Variants in MTMR14 observed in about 807,000 individuals in gnomAD.
The protein encoded by MTMR14 is myotubularin related protein 14.
MTMR14 carries 48 observed loss-of-function variants against 86.3 expected under a neutral mutation model. That is an observed-to-expected ratio of 0.56 (90% CI 0.44 to 0.71). The LOEUF is 0.71. Among genes scored for constraint, MTMR14 ranks in the 30% least tolerant of loss-of-function variants. The pLI, the probability that MTMR14 is intolerant of heterozygous loss-of-function variation, is 0.00. For synonymous variants in MTMR14, 366 were observed against 326.1 expected (o/e 1.12, Z -1.32); for missense variants, 780 against 834.6 (o/e 0.93, Z 0.81).
intron 4 of MTMR14, 120 bp downstream of exon 4, chr3:9,668,914 C>A: frequency 9.8e-7 from 1 of 1,021,866 alleles, no homozygotes; most frequent in Non-Finnish European, 1.5e-6. Flanking sequence ...CCAAGGCGAG[C>A]GGATCCCGAG....
chr3:9,679,801 A>C (rs148951805), intron 9 of MTMR14, among the ~76,000 whole-genome samples: 366 of 152,312 alleles, frequency 2.4e-3, no homozygotes, highest in Non-Finnish European at 4.6e-3. Context: ...AGAGGCTGCT[A>C]GCTAGCTAAT....
chr3:9,687,909 C>T lies in MTMR14; in HGVS notation c.1235+18C>T, dbSNP rs577114360. 153 of 1,578,032 alleles carry T rather than the reference C, an allele frequency of 9.7e-5. No individual in the cohort carries two copies. In the South Asian group the frequency reaches 1.1e-3, roughly 12 times the overall value. ...ACCCAGAGGTAAGTGGAGGCCTGCA[C>T]GTGTCATGCTGGGCCAGGGCGCTCT... On this transcript the variant is annotated intron_variant, in intron 14 of 18. Coordinates refer to ENST00000296003, the MANE Select transcript of MTMR14 (RefSeq NM_001077525.3).
At position 9,683,242 on chromosome 3, in the gene MTMR14, A is replaced by T. The variant is rs200659107; in HGVS notation, c.962A>T (p.Asp321Val). The change falls in exon 10 of 19, where the codon GAT becomes GTT. Residue 321 changes from aspartate to valine, a missense_variant and splice_region_variant. Physicochemically the swap from Asp to Val is radical, Grantham distance 152. Coordinates refer to ENST00000296003, the MANE Select transcript of MTMR14 (RefSeq NM_001077525.3). ...LKLLLSLVNSDDDSGLLVHCI... is the reference protein window; with the variant it reads ...LKLLLSLVNSVDDSGLLVHCI... ...CTGCTGCTTTCCTTAGTTAACAGTG[A>T]TGGTGAGTCTGTCTCCTCCAGAGCC... The T allele has an allele frequency of 7.4e-5, 120 of 1,614,048 alleles. No homozygotes were observed. The highest frequency in any genetic ancestry group is 9.2e-5 in the Non-Finnish European group (108 of 1,180,000).
intron 17 of MTMR14, among the ~76,000 whole-genome samples, chr3:9,694,685 C>T (rs972197534): frequency 1.3e-5 from 2 of 152,192 alleles, no homozygotes; most frequent in East Asian, 3.8e-4. Context: ...TAGGCAGCTG[C>T]GTAAAAGGCC....
intron 2 of MTMR14, among the ~76,000 whole-genome samples, chr3:9,661,943 C>T (rs757101960): frequency 2.0e-5 from 3 of 151,870 alleles, no homozygotes; most frequent in Non-Finnish European, 4.4e-5. Context: ...AAAAATTACC[C>T]AGGTGTGGTG....
intron 17 of MTMR14, among the ~76,000 whole-genome samples, chr3:9,691,976 G>T (rs1273512296): frequency 1.3e-5 from 2 of 152,072 alleles, no homozygotes; most frequent in African/African-American, 2.4e-5. Flanking sequence ...GATGCCTGTT[G>T]GTCAGAGGTT....
chr3:9,658,633 C>A (rs761704807), intron 2 of MTMR14, among the ~76,000 whole-genome samples: 7 of 152,266 alleles, frequency 4.6e-5, no homozygotes, highest in Admixed American at 1.3e-4. Flanking sequence ...ACCCTGTTTA[C>A]CTGTTCTGTG....
At chr3:9,665,994 T>C (rs1204026919) in intron 3 of MTMR14, among the ~76,000 whole-genome samples, 7 of 152,136 alleles carry the variant, frequency 4.6e-5, no homozygotes, top group African/African-American at 1.4e-4. Flanking sequence ...CCCAAAGTGC[T>C]GGTATTACAG....
intron 3 of MTMR14, among the ~76,000 whole-genome samples, chr3:9,663,514 T>C (rs1218663068): frequency 7.5e-6 from 1 of 133,378 alleles, no homozygotes; most frequent in African/African-American, 2.8e-5. Context: ...TTTTTTTTTT[T>C]TTTTTTTTTT....
intron 2 of MTMR14, among the ~76,000 whole-genome samples, chr3:9,654,038 C>G (rs2047459906): frequency 6.6e-6 from 1 of 152,198 alleles, no homozygotes; most frequent in Non-Finnish European, 1.5e-5. Flanking sequence ...CACTTCACTT[C>G]TCTGAATATC....
chr3:9,685,891 T>G lies in MTMR14; in HGVS notation c.1164+644T>G, dbSNP rs114705173. Among the ~76,000 whole-genome samples the G allele has an allele frequency of 6.0e-3, 908 of 152,306 alleles. 10 individuals carry two copies. The highest frequency in any genetic ancestry group is 0.021 in the African/African-American group (870 of 41,564). On this transcript the variant is annotated intron_variant, in intron 13 of 18. Transcript: ENST00000296003. ...GTCGGCCCTGAGTGTGTTCCCTAGT[T>G]GGCCCCCTTACTGCCTGGGTGACCT...
chr3:9,660,835 A>G (rs1574949206), intron 2 of MTMR14, among the ~76,000 whole-genome samples: 2 of 152,114 alleles, frequency 1.3e-5, no homozygotes, highest in Non-Finnish European at 1.5e-5. Flanking sequence ...CCTTCCTTCT[A>G]CTTGGTTACT....
At chr3:9,696,287 C>G (rs1358655231) in intron 17 of MTMR14, among the ~76,000 whole-genome samples, 1 of 152,202 alleles carries the variant, frequency 6.6e-6, no homozygotes, top group Non-Finnish European at 1.5e-5. Context: ...CACCAGAGAT[C>G]AGGAGTTCAA....
rs1216348476 is a variant in MTMR14, at chr3:9,669,440, G to T, written c.502G>T (p.Asp168Tyr). 1.2e-6 allele frequency: 2 copies of T among 1,613,902 alleles called. No homozygotes were observed. The highest frequency in any genetic ancestry group is 1.3e-5 in the African/African-American group (1 of 74,938). ...GYNYFFSGGA[D>Y]DAWADVEDVT... ...ATAGGTTTCTCTGGCAGGGGGTGCA[G>T]ATGATGCCTGGGCAGATGTGGAGGA... Residue 168 changes from aspartate (D) to tyrosine (Y), a missense_variant, in exon 5 of 19, where the codon GAT becomes TAT. By Grantham distance (160) the Asp-to-Tyr change is radical. Coordinates refer to ENST00000296003, the MANE Select transcript of MTMR14 (RefSeq NM_001077525.3).
chr3:9,674,069 G>A (rs1003361045), intron 7 of MTMR14, among the ~76,000 whole-genome samples: 1 of 152,158 alleles, frequency 6.6e-6, no homozygotes, highest in African/African-American at 2.4e-5. Flanking sequence ...CTCCATAGCT[G>A]GTTTTCAGAC....
chr3:9,675,635 C>A, intron 7 of MTMR14: 1 of 457,390 alleles, frequency 2.2e-6, no homozygotes, highest in South Asian at 1.5e-5. Context: ...TTTGGTCCCT[C>A]TCCTCTTGCC....
At position 9,671,255 on chromosome 3, in the gene MTMR14, G is replaced by A. The variant is rs531851986; in HGVS notation, c.677+85G>A. The A allele has an allele frequency of 1.3e-3, 2,124 of 1,582,946 alleles. 3 individuals are homozygous for A. Among genetic ancestry groups the A allele is most frequent in the Non-Finnish European group, 1.7e-3 (1,929 of 1,156,182 alleles). On this transcript the variant is annotated intron_variant, in intron 6 of 18. Coordinates refer to ENST00000296003, the MANE Select transcript of MTMR14 (RefSeq NM_001077525.3). The stretch of plus-strand genomic sequence containing the variant: ...GGCGTTAGTATGTAGCTGTCACTGC[G>A]TGCTGGCCTTCTTACAAAGGGCTTT...
Position 9,701,986 on chromosome 3 carries a change from A to G in MTMR14, c.*13A>G, listed in dbSNP as rs2076475405. 7 of 1,613,990 alleles carry G rather than the reference A, an allele frequency of 4.3e-6. No individual in the cohort carries two copies. Among genetic ancestry groups the G allele is most frequent in the East Asian group, 2.2e-5 (1 of 44,886 alleles). On this transcript the variant is annotated 3_prime_UTR_variant, in exon 19 of 19. Coordinates refer to ENST00000296003, the MANE Select transcript of MTMR14 (RefSeq NM_001077525.3). This position sits in a 1 kb window ranked among gnomAD's most constrained non-coding sequence, Gnocchi z 4.2. ...CAATGCCTTGTGAAGAAGCCAGCCCATGACATTTTCCTGCTCCTCTCTCAG... is the reference window on the plus strand; with the variant it reads ...CAATGCCTTGTGAAGAAGCCAGCCCGTGACATTTTCCTGCTCCTCTCTCAG...
rs138394685 is a variant in MTMR14, at chr3:9,697,984, C to T, written c.1769+118C>T. 9.3e-5 allele frequency: 130 copies of T among 1,395,762 alleles called. No homozygotes were observed. The East Asian group carries it at 2.3e-3, about 25-fold the overall frequency. The allele number at this position is 1,395,762 out of a possible 1,614,324, so 86.5% of individuals were successfully genotyped here. On this transcript the variant is annotated intron_variant, in intron 18 of 18. Coordinates refer to ENST00000296003, the MANE Select transcript of MTMR14 (RefSeq NM_001077525.3). ...CTCAGGAGCTGGCCTGGCCTCCTGC[C>T]CTCCCCTCTCTCAGCTGCTGGACCC...
Sources: allele counts gnomAD v4.1 joint callset (sites outside exome capture counted in the v4.1 genomes callset), GRCh38; gene constraint gnomAD v4.1.1; non-coding constraint Gnocchi (gnomAD v3.1); transcripts MANE v1.5; gene names NCBI Gene and HGNC (gene_info 2026-07-23, HGNC 2026-07-21).